Variants in APOOL observed in about 807,000 individuals in gnomAD.
APOOL encodes apolipoprotein O like, also known as MICOS complex subunit MIC27.
Under a neutral mutation model 23.1 loss-of-function variants are expected in APOOL, and 12 were observed. The ratio of observed to expected loss-of-function variants is 0.52; its 90% CI spans 0.33 to 0.84. The LOEUF (loss-of-function observed/expected upper bound fraction) is 0.84, where lower values mean the gene tolerates loss of function less well. APOOL is among the 40% of genes least tolerant of loss of function. The pLI, the probability that APOOL is intolerant of heterozygous loss-of-function variation, is 0.02. For missense variants in APOOL, 212 were observed against 199.6 expected (o/e 1.06, Z -0.37); for synonymous variants, 77 against 69.9 (o/e 1.10, Z -0.51).
chrX:85,011,527 A>G (rs1921280031), intron 1 of APOOL, among the ~76,000 whole-genome samples: 1 of 111,545 alleles, frequency 9.0e-6, no homozygotes, highest in Non-Finnish European at 1.9e-5. Context: ...AAGGTGAGAG[A>G]TAAGGATCCA....
intron 1 of APOOL, among the ~76,000 whole-genome samples, chrX:85,040,035 A>G (rs1324381396): frequency 8.9e-6 from 1 of 111,903 alleles, no homozygotes; most frequent in Non-Finnish European, 1.9e-5. Flanking sequence ...GGTGCCACTG[A>G]CAGTCTTTCA....
chrX:85,087,468 A>C (rs1340766668), intron 8 of APOOL, 122 bp from the exon 9 acceptor site: 2 of 521,097 alleles, frequency 3.8e-6, no homozygotes, highest in African/African-American at 4.8e-5. Flanking sequence ...GTCTCACCTA[A>C]CTCAAATGTT....
At chrX:85,007,816 A>T (rs1316384321) in intron 1 of APOOL, among the ~76,000 whole-genome samples, 1 of 112,096 alleles carries the variant, frequency 8.9e-6, no homozygotes, top group Non-Finnish European at 1.9e-5. Context: ...CTTAAAATCA[A>T]AATTTGTCTA....
At chrX:85,048,512 T>A (rs1377800372) in intron 2 of APOOL, among the ~76,000 whole-genome samples, 3 of 112,235 alleles carry the variant, frequency 2.7e-5, no homozygotes, top group Non-Finnish European at 5.6e-5. Context: ...TTTAATTGAA[T>A]TACTTATCAA....
At chrX:85,048,377 G>C (rs1350036193) in intron 2 of APOOL, among the ~76,000 whole-genome samples, 1 of 111,320 alleles carries the variant, frequency 9.0e-6, no homozygotes, top group East Asian at 2.8e-4. Flanking sequence ...AATCTAGGTA[G>C]GAAGATAAAT....
At chrX:85,032,866 A>G (rs187510009) in intron 1 of APOOL, among the ~76,000 whole-genome samples, 5 of 112,003 alleles carry the variant, frequency 4.5e-5, no homozygotes, top group Admixed American at 9.5e-5. Flanking sequence ...GATGAACGTT[A>G]TATCTTGAAT....
chrX:85,052,436 T>G (rs1277337304), intron 3 of APOOL, among the ~76,000 whole-genome samples: 1 of 111,708 alleles, frequency 9.0e-6, no homozygotes, highest in African/African-American at 3.3e-5. Flanking sequence ...TGTCAGTATC[T>G]TAATGTTGGT....
intron 8 of APOOL, among the ~76,000 whole-genome samples, chrX:85,080,770 G>A (rs1450299491): frequency 9.0e-6 from 1 of 111,677 alleles, no homozygotes. Flanking sequence ...ATGAATCTGG[G>A]TGCTCCTGTA....
chrX:85,028,755 T>G (rs1196894823), intron 1 of APOOL, among the ~76,000 whole-genome samples: 2 of 108,520 alleles, frequency 1.8e-5, no homozygotes, highest in African/African-American at 6.7e-5. Context: ...ATGGTTTTGA[T>G]TTTTAGATCT....
chrX:85,017,967 G>A (rs1445610529), intron 1 of APOOL, among the ~76,000 whole-genome samples: 1 of 111,770 alleles, frequency 8.9e-6, no homozygotes, highest in Non-Finnish European at 1.9e-5. Context: ...GTGGTTCTTG[G>A]AACAAAAGTT....
rs757535192 is a variant in APOOL, at chrX:85,082,717, C to T, written c.719-4873C>T. Among the ~76,000 whole-genome samples the T allele has an allele frequency of 6.3e-5, 7 of 111,895 alleles. No homozygotes were observed. The East Asian group carries it at 1.4e-3, about 23-fold the overall frequency. ...TGCTTTTAAACTACAATGGCAGAGTCGAGCACTTGTGACAGAGACCATATG... is the reference window on the plus strand; with the variant it reads ...TGCTTTTAAACTACAATGGCAGAGTTGAGCACTTGTGACAGAGACCATATG... On this transcript the variant is annotated intron_variant, in intron 8 of 8. Coordinates refer to ENST00000373173, the MANE Select transcript of APOOL (RefSeq NM_198450.6).
At chrX:85,044,242 A>G (rs1260884124) in intron 1 of APOOL, among the ~76,000 whole-genome samples, 1 of 100,981 alleles carries the variant, frequency 9.9e-6, no homozygotes, top group Non-Finnish European at 2.0e-5. Flanking sequence ...TGTAACTCCT[A>G]AGCTCATATT....
chrX:85,072,113 AAAAC>A (rs1569459863), intron 6 of APOOL, among the ~76,000 whole-genome samples: 1 of 112,014 alleles, frequency 8.9e-6, no homozygotes, highest in African/African-American at 3.2e-5. Flanking sequence ...CGTCTCAAAA[AAAAC>A]AAACAAAAAA....
chrX:85,061,049 C>G (rs900180193), intron 5 of APOOL, among the ~76,000 whole-genome samples: 1 of 111,194 alleles, frequency 9.0e-6, no homozygotes, highest in Non-Finnish European at 1.9e-5. Flanking sequence ...TTTTGAGATA[C>G]GTCCCATCAA....
At chrX:85,063,797 G>A (rs988122340) in intron 5 of APOOL, among the ~76,000 whole-genome samples, 1 of 111,206 alleles carries the variant, frequency 9.0e-6, no homozygotes, top group Non-Finnish European at 1.9e-5. Flanking sequence ...TTGCATCGAT[G>A]TTCATCAGGA....
intron 8 of APOOL, among the ~76,000 whole-genome samples, chrX:85,085,963 GT>G (rs1269585263): frequency 1.8e-5 from 2 of 112,197 alleles, no homozygotes; most frequent in Non-Finnish European, 3.8e-5. Context: ...GGTCAAGTTA[GT>G]TAACCTCTCC....
At position 85,067,627 on chromosome X, in the gene APOOL, AACACAC is replaced by A. The variant is rs758966009; in HGVS notation, c.486+444_486+449del. On this transcript the variant is annotated intron_variant, in intron 6 of 8. Coordinates refer to ENST00000373173, the MANE Select transcript of APOOL (RefSeq NM_198450.6). The stretch of plus-strand genomic sequence containing the variant: ...TGGTTTCAGTGGTTTCTGAAGGTAA[AACACAC>A]ACACACACACACACACACACACACA... Among the ~76,000 whole-genome samples the A allele has an allele frequency of 3.1e-3, 284 of 90,383 alleles. 2 individuals are homozygous for A. The highest frequency in any genetic ancestry group is 9.0e-3 in the African/African-American group (218 of 24,147). 78.5% of individuals were successfully genotyped at this position (90,383 alleles called of 115,157 possible).
intron 5 of APOOL, among the ~76,000 whole-genome samples, chrX:85,056,458 T>G (rs1001275626): frequency 2.7e-5 from 3 of 111,635 alleles, no homozygotes; most frequent in Admixed American, 9.5e-5. Flanking sequence ...TTAAAAAAAT[T>G]TTTGGCCGGG....
intron 1 of APOOL, among the ~76,000 whole-genome samples, chrX:85,024,965 A>G (rs1896590231): frequency 8.9e-6 from 1 of 112,088 alleles, no homozygotes; most frequent in African/African-American, 3.2e-5. Flanking sequence ...GTGTTAGGCC[A>G]TTTGTGCATT....
Sources: allele counts gnomAD v4.1 joint callset (sites outside exome capture counted in the v4.1 genomes callset), GRCh38; gene constraint gnomAD v4.1.1; transcripts MANE v1.5; gene names NCBI Gene and HGNC (gene_info 2026-07-23, HGNC 2026-07-21).